Variants in CNTNAP5 observed in about 807,000 individuals in gnomAD.
The protein encoded by CNTNAP5 is contactin-associated protein-like 5.
In CNTNAP5, 72 loss-of-function variants were observed where a neutral mutation model predicts 150.2. The observed-to-expected ratio is 0.48, with a 90% CI of 0.40 to 0.58. The LOEUF is 0.58. Among genes scored for constraint, CNTNAP5 ranks in the 20% least tolerant of loss-of-function variants. The pLI is 0.00. For missense variants in CNTNAP5, 1,636 were observed against 1,626.2 expected (o/e 1.01, Z -0.10); for synonymous variants, 672 against 619.8 (o/e 1.08, Z -1.25).
At chr2:124,547,214 G>T (rs1020004673) in intron 10 of CNTNAP5, among the ~76,000 whole-genome samples, 7 of 152,118 alleles carry the variant, frequency 4.6e-5, no homozygotes, top group Admixed American at 1.3e-4. Context: ...TGCATTGAAT[G>T]ACAGATGAGT....
intron 5 of CNTNAP5, among the ~76,000 whole-genome samples, chr2:124,441,964 A>G (rs74683236): frequency 0.025 from 3,840 of 151,646 alleles, 95 homozygotes; most frequent in African/African-American, 0.065. Flanking sequence ...TATTCATAAA[A>G]ATTTCATGAG....
intron 1 of CNTNAP5, among the ~76,000 whole-genome samples, chr2:124,186,839 T>C (rs933562824): frequency 6.6e-6 from 1 of 152,204 alleles, no homozygotes; most frequent in Non-Finnish European, 1.5e-5. Context: ...CCCAAAGAGA[T>C]AGTACAATTC....
intron 3 of CNTNAP5, among the ~76,000 whole-genome samples, chr2:124,415,013 A>T (rs370602033): frequency 2.0e-5 from 3 of 152,140 alleles, no homozygotes; most frequent in Admixed American, 6.5e-5. Flanking sequence ...TCCTTCCCTC[A>T]TACATATCAA....
chr2:124,640,679 C>T (rs1023420664), intron 12 of CNTNAP5, among the ~76,000 whole-genome samples: 2 of 151,980 alleles, frequency 1.3e-5, no homozygotes, highest in South Asian at 2.1e-4. Context: ...AAAGGTCGGG[C>T]GGGGGGAAGG....
At chr2:124,644,383 G>A (rs538435702) in intron 12 of CNTNAP5, among the ~76,000 whole-genome samples, 27 of 152,232 alleles carry the variant, frequency 1.8e-4, no homozygotes, top group African/African-American at 5.1e-4. Context: ...GATAGGAAGC[G>A]AGGAAAAATA....
chr2:124,756,107 T>C (rs1184218406), intron 14 of CNTNAP5, among the ~76,000 whole-genome samples: 1 of 152,174 alleles, frequency 6.6e-6, no homozygotes, highest in Non-Finnish European at 1.5e-5. Context: ...ATTTTCTCCA[T>C]TTTCAGCCGA....
At chr2:124,094,039 G>A (rs1376264042) in intron 1 of CNTNAP5, among the ~76,000 whole-genome samples, 4 of 152,196 alleles carry the variant, frequency 2.6e-5, no homozygotes, top group Admixed American at 1.3e-4. Flanking sequence ...GATAAATGTC[G>A]AATAATGAGT....
chr2:124,459,643 C>T (rs895410939), intron 6 of CNTNAP5, among the ~76,000 whole-genome samples: 1 of 151,098 alleles, frequency 6.6e-6, no homozygotes, highest in East Asian at 2.0e-4. Flanking sequence ...TTCAGCTACT[C>T]GGGAAGCTGA....
chr2:124,232,390 G>T (rs1293827077), intron 2 of CNTNAP5, among the ~76,000 whole-genome samples: 2 of 152,132 alleles, frequency 1.3e-5, no homozygotes, highest in Admixed American at 1.3e-4. Context: ...TACTGGATAT[G>T]TTGTTGGATA....
At chr2:124,507,178 G>A (rs757809143) in intron 8 of CNTNAP5, among the ~76,000 whole-genome samples, 1 of 152,116 alleles carries the variant, frequency 6.6e-6, no homozygotes, top group Non-Finnish European at 1.5e-5. Context: ...CACGTTATGG[G>A]CCAGGCACGG....
chr2:124,778,450 TC>T (rs1681374668), intron 17 of CNTNAP5: 1 of 152,670 alleles, frequency 6.6e-6, no homozygotes, highest in Non-Finnish European at 1.5e-5. Context: ...AGCCAAAGCT[TC>T]GTCTACCTTT....
At chr2:124,385,758 A>T (rs1047969557) in intron 3 of CNTNAP5, among the ~76,000 whole-genome samples, 1 of 152,194 alleles carries the variant, frequency 6.6e-6, no homozygotes. Context: ...ATAATCATAT[A>T]TATTCTTAGA....
intron 12 of CNTNAP5, among the ~76,000 whole-genome samples, chr2:124,635,857 A>G (rs1224694196): frequency 6.6e-6 from 1 of 152,178 alleles, no homozygotes; most frequent in African/African-American, 2.4e-5. Flanking sequence ...AGGAACACCA[A>G]TCAGCCTGCA....
intron 13 of CNTNAP5, among the ~76,000 whole-genome samples, chr2:124,698,889 T>C (rs568439811): frequency 8.0e-4 from 122 of 152,262 alleles, no homozygotes; most frequent in African/African-American, 2.7e-3. Context: ...TTCCTCTCTT[T>C]TCCTCAGTGT....
At chr2:124,780,245 C>T (rs1490091718) in intron 17 of CNTNAP5, among the ~76,000 whole-genome samples, 1 of 152,076 alleles carries the variant, frequency 6.6e-6, no homozygotes, top group Non-Finnish European at 1.5e-5. Context: ...ATAAGAATGG[C>T]AAGCAAAAGA....
intron 13 of CNTNAP5, among the ~76,000 whole-genome samples, chr2:124,740,278 C>A (rs1234030688): frequency 1.6e-4 from 24 of 151,938 alleles, no homozygotes; most frequent in Admixed American, 1.5e-3. Flanking sequence ...GTTAAGTGAC[C>A]AGTTGTGAGA....
At chr2:124,531,863 G>A (rs530477193) in intron 10 of CNTNAP5, among the ~76,000 whole-genome samples, 1 of 152,174 alleles carries the variant, frequency 6.6e-6, no homozygotes, top group Non-Finnish European at 1.5e-5. Context: ...GTTCATTTGG[G>A]CCGAGCTTGC....
At chr2:124,793,476 G>A (rs1196152543) in intron 18 of CNTNAP5, among the ~76,000 whole-genome samples, 1 of 151,996 alleles carries the variant, frequency 6.6e-6, no homozygotes, top group Non-Finnish European at 1.5e-5. Flanking sequence ...CCAGTTCTAT[G>A]GGCTGTATTT....
At chr2:124,248,343 G>A (rs940214805) in intron 3 of CNTNAP5, among the ~76,000 whole-genome samples, 4 of 152,156 alleles carry the variant, frequency 2.6e-5, no homozygotes, top group African/African-American at 9.7e-5. Context: ...TGAAATACAT[G>A]GAGATAAAGC....
Sources: allele counts gnomAD v4.1 joint callset (sites outside exome capture counted in the v4.1 genomes callset), GRCh38; gene constraint gnomAD v4.1.1; transcripts MANE v1.5; gene names NCBI Gene and HGNC (gene_info 2026-07-23, HGNC 2026-07-21).